The following HDAC9 variants were observed in gnomAD, a reference collection of about 807,000 sequenced individuals.
The protein encoded by HDAC9 is MEF-2 interacting transcription repressor (MITR) protein.
Under a neutral mutation model 139.4 loss-of-function variants are expected in HDAC9, and 41 were observed. That is an observed-to-expected ratio of 0.29 (90% CI 0.23 to 0.38). The LOEUF (loss-of-function observed/expected upper bound fraction) is 0.38, where lower values mean the gene tolerates loss of function less well. HDAC9 is among the 10% of genes least tolerant of loss of function. The pLI, the probability that HDAC9 is intolerant of heterozygous loss-of-function variation, is 1.00. For missense variants in HDAC9, 1,147 were observed against 1,297.0 expected (o/e 0.88, Z 1.78); for synonymous variants, 517 against 476.2 (o/e 1.09, Z -1.12).
intron 12 of HDAC9, among the ~76,000 whole-genome samples, chr7:18,727,289 G>A (rs1026357794): frequency 1.1e-4 from 16 of 152,180 alleles, no homozygotes; most frequent in African/African-American, 3.9e-4. Context: ...CGTTACTCTT[G>A]AGGTTAAAGG....
intron 2 of HDAC9, among the ~76,000 whole-genome samples, chr7:18,565,376 G>T (rs113255127): frequency 6.6e-6 from 1 of 152,142 alleles, no homozygotes; most frequent in African/African-American, 2.4e-5. Flanking sequence ...ATTTTTCAAA[G>T]GGTAGAGAAT....
intron 17 of HDAC9, among the ~76,000 whole-genome samples, chr7:18,802,632 T>G (rs370565206): frequency 4.9e-5 from 3 of 61,004 alleles, no homozygotes; most frequent in Non-Finnish European, 9.2e-5. Context: ...TCATGATAGA[T>G]TTTTTTATCT....
At chr7:18,746,744 G>T (rs891742662) in intron 13 of HDAC9, among the ~76,000 whole-genome samples, 5 of 152,096 alleles carry the variant, frequency 3.3e-5, no homozygotes, top group Admixed American at 2.0e-4. Context: ...CTTTATTTAA[G>T]CTTGTTTATG....
intron 8 of HDAC9, among the ~76,000 whole-genome samples, chr7:18,640,248 A>G (rs1450538050): frequency 1.3e-5 from 2 of 151,070 alleles, no homozygotes; most frequent in Non-Finnish European, 3.0e-5. Context: ...GAGAAAAAAA[A>G]AAACCTAACA....
chr7:18,835,824 G>T lies in HDAC9; in HGVS notation c.2587-76G>T. 4.7e-6 allele frequency: 5 copies of T among 1,072,856 alleles called. No individual in the cohort carries two copies. In the South Asian group the frequency reaches 7.3e-5, roughly 16 times the overall value. The allele number at this position is 1,072,856 out of a possible 1,614,324, so 66.5% of individuals were successfully genotyped here. ...ATGTTTATTTCAAGAGCTCCCATGTGCTTGTTTTCCTCTCTTCTTGCTTTC... is the reference window on the plus strand; with the variant it reads ...ATGTTTATTTCAAGAGCTCCCATGTTCTTGTTTTCCTCTCTTCTTGCTTTC... On this transcript the variant is annotated intron_variant, in intron 20 of 25. Coordinates refer to ENST00000686413, the MANE Select transcript of HDAC9 (RefSeq NM_178425.4).
intron 22 of HDAC9, among the ~76,000 whole-genome samples, chr7:18,930,363 T>A (rs1804627196): frequency 6.6e-6 from 1 of 152,218 alleles, no homozygotes; most frequent in South Asian, 2.1e-4. Context: ...GATGAGCTTT[T>A]GTGTCTTTAA....
intron 2 of HDAC9, among the ~76,000 whole-genome samples, chr7:18,246,852 A>G (rs947789285): frequency 9.2e-5 from 14 of 152,240 alleles, no homozygotes; most frequent in African/African-American, 3.4e-4. Context: ...GAGAGGAGAT[A>G]ATGGCTCAGA....
Position 18,568,026 on chromosome 7 carries a change from G to GTGTATATATATATATATATATATA in HDAC9, c.23-17254_23-17253insGTATATATATATATATATATATAT, listed in dbSNP as rs1384273199. ...TTATACATACAGGATATATGTATAT[G>GTGTATATATATATATATATATATA]TATATATATATATATATATATATAT... On this transcript the variant is annotated intron_variant, in intron 2 of 25. Transcript: ENST00000686413. Among the ~76,000 whole-genome samples the GTGTATATATATATATATATATATA allele has an allele frequency of 4.7e-3, 597 of 126,746 alleles. 25 individuals are homozygous for GTGTATATATATATATATATATATA. Among genetic ancestry groups the GTGTATATATATATATATATATATA allele is most frequent in the South Asian group, 5.9e-3 (24 of 4,048 alleles). The allele number at this position is 126,746 out of a possible 152,430, so 83.2% of individuals were successfully genotyped here.
intron 1 of HDAC9, among the ~76,000 whole-genome samples, chr7:18,161,871 T>C (rs1320760902): frequency 6.6e-6 from 1 of 152,252 alleles, no homozygotes; most frequent in Non-Finnish European, 1.5e-5. Context: ...GATACTTATA[T>C]GCAAAAATCC....
chr7:18,810,557 T>C (rs940333219), intron 17 of HDAC9, among the ~76,000 whole-genome samples: 5 of 151,936 alleles, frequency 3.3e-5, no homozygotes, highest in African/African-American at 4.8e-5. Context: ...GTACACTGAA[T>C]AGAACACACA....
chr7:18,150,904 C>G (rs937573505), intron 1 of HDAC9, among the ~76,000 whole-genome samples: 2 of 152,090 alleles, frequency 1.3e-5, no homozygotes, highest in African/African-American at 4.8e-5. Flanking sequence ...AAATGGTTGC[C>G]TGGAAACTGG....
intron 2 of HDAC9, among the ~76,000 whole-genome samples, chr7:18,236,843 C>T (rs1024066217): frequency 1.3e-5 from 2 of 152,164 alleles, no homozygotes; most frequent in African/African-American, 4.8e-5. Context: ...ACTCTGGCCC[C>T]CTACCCCATG....
chr7:18,769,189 C>T (rs1002306139), intron 16 of HDAC9, among the ~76,000 whole-genome samples: 8 of 152,148 alleles, frequency 5.3e-5, no homozygotes, highest in African/African-American at 1.9e-4. Context: ...TGACCTGGGA[C>T]GTGCTTTTAA....
chr7:18,163,188 C>T (rs1787771959), intron 2 of HDAC9, among the ~76,000 whole-genome samples: 1 of 152,134 alleles, frequency 6.6e-6, no homozygotes, highest in African/African-American at 2.4e-5. Flanking sequence ...ATTGCCACAC[C>T]CAAGTTAGCT....
chr7:18,106,268 G>A (rs894608417), intron 1 of HDAC9, among the ~76,000 whole-genome samples: 5 of 152,106 alleles, frequency 3.3e-5, no homozygotes, highest in African/African-American at 7.2e-5. Flanking sequence ...AACAAAAACC[G>A]AAAGCTCCTT....
intron 1 of HDAC9, among the ~76,000 whole-genome samples, chr7:18,330,827 A>G (rs1450590698): frequency 6.6e-6 from 1 of 151,694 alleles, no homozygotes; most frequent in Admixed American, 6.6e-5. Context: ...ACAAAACAAT[A>G]AAGTTATGCA....
intron 1 of HDAC9, among the ~76,000 whole-genome samples, chr7:18,125,181 C>T (rs1291041580): frequency 1.3e-5 from 2 of 151,836 alleles, no homozygotes; most frequent in East Asian, 3.9e-4. Context: ...ATGAGGGTAC[C>T]CCCCCATCTT....
At chr7:18,302,377 TG>T (rs771093314) in intron 1 of HDAC9, among the ~76,000 whole-genome samples, 13 of 152,210 alleles carry the variant, frequency 8.5e-5, no homozygotes, top group Non-Finnish European at 1.3e-4. Flanking sequence ...TGTTATCCTT[TG>T]GTGAAGACAT....
intron 1 of HDAC9, among the ~76,000 whole-genome samples, chr7:18,382,881 G>A (rs1333709373): frequency 6.6e-6 from 1 of 152,164 alleles, no homozygotes; most frequent in East Asian, 1.9e-4. Flanking sequence ...CTGTATATGT[G>A]TATGAGTGTG....
Sources: allele counts gnomAD v4.1 joint callset (sites outside exome capture counted in the v4.1 genomes callset), GRCh38; gene constraint gnomAD v4.1.1; transcripts MANE v1.5; gene names NCBI Gene and HGNC (gene_info 2026-07-23, HGNC 2026-07-21).